Variants in ITPK1 observed in about 807,000 individuals in gnomAD.
ITPK1 encodes the protein inositol-tetrakisphosphate 1-kinase.
In ITPK1, 21 loss-of-function variants were observed where a neutral mutation model predicts 45.3. That is an observed-to-expected ratio of 0.46 (90% CI 0.33 to 0.67). The LOEUF (loss-of-function observed/expected upper bound fraction) is 0.67, where lower values mean the gene tolerates loss of function less well. Ranked by LOEUF, ITPK1 falls within the 30% of genes least tolerant of loss-of-function variation. The pLI is 0.02. For missense variants in ITPK1, 474 were observed against 573.5 expected (o/e 0.83, Z 1.77); for synonymous variants, 258 against 253.6 (o/e 1.02, Z -0.16).
intron 3 of ITPK1, among the ~76,000 whole-genome samples, chr14:93,024,022 G>A (rs1177967559): frequency 1.3e-5 from 2 of 152,114 alleles, no homozygotes; most frequent in East Asian, 1.9e-4. Flanking sequence ...TGTCCTGGGG[G>A]GAAAGTACGA....
intron 3 of ITPK1, among the ~76,000 whole-genome samples, chr14:93,030,093 C>T (rs114716010): frequency 1.1e-3 from 167 of 152,350 alleles, no homozygotes; most frequent in African/African-American, 3.7e-3. Flanking sequence ...GAAGTTAGCG[C>T]GCAATGCAGG....
intron 3 of ITPK1, among the ~76,000 whole-genome samples, chr14:93,047,162 A>ATCT (rs1388895131): frequency 6.6e-6 from 1 of 152,200 alleles, no homozygotes; most frequent in Admixed American, 6.5e-5. Context: ...CCAAGTTTCC[A>ATCT]TCTGTGGACT....
At chr14:93,019,985 G>A (rs1262211887) in intron 3 of ITPK1, among the ~76,000 whole-genome samples, 2 of 152,232 alleles carry the variant, frequency 1.3e-5, no homozygotes, top group African/African-American at 4.8e-5. Context: ...CTCCCAGCAG[G>A]AGCAAGGGTG....
intron 3 of ITPK1, among the ~76,000 whole-genome samples, chr14:93,020,002 T>C (rs1566739054): frequency 1.3e-5 from 2 of 152,212 alleles, no homozygotes; most frequent in Non-Finnish European, 1.5e-5. Flanking sequence ...GGTGTCTCAA[T>C]GAAAGGCTGC....
intron 3 of ITPK1, among the ~76,000 whole-genome samples, chr14:93,028,208 T>TG (rs1195438350): frequency 1.3e-5 from 2 of 152,240 alleles, no homozygotes; most frequent in African/African-American, 4.8e-5. Flanking sequence ...ACAGCGTGCC[T>TG]TCCCTAGACC....
chr14:92,945,773 C>T (rs1424558263), intron 10 of ITPK1, among the ~76,000 whole-genome samples: 1 of 152,200 alleles, frequency 6.6e-6, no homozygotes, highest in Non-Finnish European at 1.5e-5. Flanking sequence ...CAGAGCCTGG[C>T]TCAATGCCAG....
In ITPK1 at chr14:93,090,765, A is replaced by AT. The variant is rs538702999; in HGVS notation, c.96-14147dup. 3.8e-3 allele frequency among the ~76,000 whole-genome samples: 562 copies of AT among 149,706 alleles called. 3 individuals are homozygous for AT. The highest frequency in any genetic ancestry group is 0.014 in the Middle Eastern group (4 of 288). ...TTTGGTTACCTGGGCCAAGAAATGT[A>AT]TTTTTTTTTTCTTTTTGCTTAAACT... On this transcript the variant is annotated intron_variant, in intron 2 of 10. Transcript: ENST00000267615.
chr14:92,938,332 C>A lies in ITPK1; in HGVS notation c.*3229G>T. The A allele has an allele frequency of 1.5e-6, 1 of 679,884 alleles. No homozygotes were observed. The highest frequency in any genetic ancestry group is 2.7e-6 in the Non-Finnish European group (1 of 370,012). 42.1% of individuals were successfully genotyped at this position (679,884 alleles called of 1,614,324 possible). A position where few individuals can be genotyped will look rare whatever the true frequency, so the allele number is the denominator to read the frequency against. ...TAGTGAAGCCATTCAGCAGTTGTGG[C>A]CAGTGGCCAATGTGAGTGCCCAAGA... On this transcript the variant is annotated 3_prime_UTR_variant, in exon 11 of 11. Coordinates refer to ENST00000267615, the MANE Select transcript of ITPK1 (RefSeq NM_014216.6).
rs1331676349 is a variant in ITPK1, at chr14:92,941,324, C to G, written c.*237G>C. ...GCGTGTGTAAACTCAGTTAGGAGGTCTGCACAGTAGAGAGCAGGCGGACGG... is the reference window on the plus strand; with the variant it reads ...GCGTGTGTAAACTCAGTTAGGAGGTGTGCACAGTAGAGAGCAGGCGGACGG... On this transcript the variant is annotated 3_prime_UTR_variant, in exon 11 of 11. Transcript: ENST00000267615. The G allele has an allele frequency of 6.4e-6, 9 of 1,409,224 alleles. No individual in the cohort carries two copies. The highest frequency in any genetic ancestry group is 7.3e-6 in the Non-Finnish European group (8 of 1,089,234). 87.3% of individuals were successfully genotyped at this position (1,409,224 alleles called of 1,614,324 possible).
intron 2 of ITPK1, among the ~76,000 whole-genome samples, chr14:93,113,237 C>T (rs1243990326): frequency 6.6e-6 from 1 of 152,190 alleles, no homozygotes; most frequent in Non-Finnish European, 1.5e-5. Flanking sequence ...CTCTACTCCC[C>T]AGAACGTTGA....
intron 5 of ITPK1, among the ~76,000 whole-genome samples, chr14:92,970,895 A>G (rs1171680426): frequency 1.3e-5 from 2 of 152,130 alleles, no homozygotes; most frequent in East Asian, 1.9e-4. Flanking sequence ...TCGGCCTCCC[A>G]AAGTGCTGGG....
chr14:92,950,544 G>A (rs1297560430), intron 9 of ITPK1, among the ~76,000 whole-genome samples: 1 of 152,254 alleles, frequency 6.6e-6, no homozygotes, highest in African/African-American at 2.4e-5. Flanking sequence ...GAAGGGCCCT[G>A]CAGTGTCTCT....
Position 92,942,001 on chromosome 14 carries a change from T to C in ITPK1, c.902-97A>G, listed in dbSNP as rs532438765. On this transcript the variant is annotated intron_variant, in intron 10 of 10. Transcript: ENST00000267615. ...AGGCAGAACCGATGGGCTCCTGGGA[T>C]GAGGCAGGGTGTGCTGTCAGCGTCC... 192 of 1,023,600 alleles carry C rather than the reference T, an allele frequency of 1.9e-4. No individual in the cohort carries two copies. In the African/African-American group the frequency reaches 2.7e-3, roughly 14 times the overall value. 63.4% of individuals were successfully genotyped at this position (1,023,600 alleles called of 1,614,324 possible).
In ITPK1 at chr14:92,939,720, C is replaced by T. The variant is rs1016034050; in HGVS notation, c.*1841G>A. On this transcript the variant is annotated 3_prime_UTR_variant, in exon 11 of 11. Coordinates refer to ENST00000267615, the MANE Select transcript of ITPK1 (RefSeq NM_014216.6). ...GGTACAGGAACACAGCCAGGAGTCACGCTGCACACCCCCACCCGTACCTGA... is the reference window on the plus strand; with the variant it reads ...GGTACAGGAACACAGCCAGGAGTCATGCTGCACACCCCCACCCGTACCTGA... 10 of 985,316 alleles carry T rather than the reference C, an allele frequency of 1.0e-5. No homozygotes were observed. Among genetic ancestry groups the T allele is most frequent in the East Asian group, 1.1e-4 (1 of 8,830 alleles). The allele number at this position is 985,316 out of a possible 1,614,324, so 61.0% of individuals were successfully genotyped here.
intron 3 of ITPK1, among the ~76,000 whole-genome samples, chr14:93,066,540 G>C (rs139491135): frequency 0.01 from 1,572 of 152,104 alleles, 23 homozygotes; most frequent in African/African-American, 0.036. Flanking sequence ...GAGTAGCTGG[G>C]ACTACAGGCA....
chr14:93,016,236 G>A lies in ITPK1; in HGVS notation c.246+440C>T, dbSNP rs899811809. 6.6e-6 allele frequency among the ~76,000 whole-genome samples: 1 copy of A among 152,170 alleles called. No individual in the cohort carries two copies. Among genetic ancestry groups the A allele is most frequent in the Non-Finnish European group, 1.5e-5 (1 of 68,024 alleles). On this transcript the variant is annotated intron_variant, in intron 4 of 10. Coordinates refer to ENST00000267615, the MANE Select transcript of ITPK1 (RefSeq NM_014216.6). The surrounding 1 kb of genome is among the most constrained non-coding windows in gnomAD (Gnocchi z 5.0). The stretch of plus-strand genomic sequence containing the variant: ...CTCAAAGGTGAGTACCCAGGTCAAA[G>A]TAATGGGCAGAGGCAGGGTTCTCCA...
At chr14:93,049,963 A>G (rs1651510149) in intron 3 of ITPK1, among the ~76,000 whole-genome samples, 2 of 152,092 alleles carry the variant, frequency 1.3e-5, no homozygotes, top group South Asian at 4.1e-4. Flanking sequence ...CTCCAGGCAG[A>G]GGCACTTGGC....
chr14:93,026,717 A>G (rs190938913), intron 3 of ITPK1, among the ~76,000 whole-genome samples: 1 of 152,340 alleles, frequency 6.6e-6, no homozygotes, highest in East Asian at 1.9e-4. Flanking sequence ...AAGTCCAACA[A>G]GAAGGGACTG....
intron 3 of ITPK1, among the ~76,000 whole-genome samples, chr14:93,073,388 C>T (rs1891100137): frequency 6.6e-6 from 1 of 152,214 alleles, no homozygotes; most frequent in South Asian, 2.1e-4. Flanking sequence ...CACCTGAGGA[C>T]ACTGAGATCT....
Sources: allele counts gnomAD v4.1 joint callset (sites outside exome capture counted in the v4.1 genomes callset), GRCh38; gene constraint gnomAD v4.1.1; non-coding constraint Gnocchi (gnomAD v3.1); transcripts MANE v1.5; gene names NCBI Gene and HGNC (gene_info 2026-07-23, HGNC 2026-07-21).